Variants in CMIP observed in about 807,000 individuals in gnomAD.
CMIP encodes C-Maf-inducing protein.
In CMIP, 13 loss-of-function variants were observed where a neutral mutation model predicts 97.3. That is an observed-to-expected ratio of 0.13 (90% CI 0.09 to 0.21). The LOEUF (loss-of-function observed/expected upper bound fraction) is 0.21. Ranked by LOEUF, CMIP falls within the 10% of genes least tolerant of loss-of-function variation. The pLI is 1.00. For missense variants in CMIP, 847 were observed against 1,024.9 expected, an observed-to-expected ratio of 0.83 and a Z score of 2.37; for synonymous variants, 538 against 436.3, an observed-to-expected ratio of 1.23 and a Z score of -2.91.
At chr16:81,448,333 C>A (rs867940995) in intron 1 of CMIP, among the ~76,000 whole-genome samples, 1 of 152,148 alleles carries the variant, frequency 6.6e-6, no homozygotes, top group South Asian at 2.1e-4. Flanking sequence ...TTGCCCAAAC[C>A]TTTTGCAGTC....
chr16:81,705,033 A>G (rs1907973931), intron 18 of CMIP, among the ~76,000 whole-genome samples: 2 of 152,080 alleles, frequency 1.3e-5, no homozygotes, highest in South Asian at 4.1e-4. Context: ...TGCACTGCTC[A>G]GTACTCTGCA....
chr16:81,576,594 G>A (rs1426777719), intron 1 of CMIP, among the ~76,000 whole-genome samples: 7 of 152,130 alleles, frequency 4.6e-5, no homozygotes, highest in South Asian at 2.1e-4. Context: ...TCAGGGATAC[G>A]TAGCCAATGA....
chr16:81,549,060 T>G (rs1051775619), intron 1 of CMIP, among the ~76,000 whole-genome samples: 1 of 152,202 alleles, frequency 6.6e-6, no homozygotes, highest in Non-Finnish European at 1.5e-5. Context: ...TCTATTTTAC[T>G]GCAGGCTTAG....
At chr16:81,580,667 C>A (rs959879469) in intron 1 of CMIP, among the ~76,000 whole-genome samples, 4 of 152,022 alleles carry the variant, frequency 2.6e-5, no homozygotes, top group Non-Finnish European at 5.9e-5. Flanking sequence ...AACTCCTGAC[C>A]TCAAGTGATC....
intron 1 of CMIP, among the ~76,000 whole-genome samples, chr16:81,474,737 C>T (rs1228450851): frequency 6.6e-6 from 1 of 152,240 alleles, no homozygotes; most frequent in Non-Finnish European, 1.5e-5. Context: ...CCTGGGGCTC[C>T]CTCTCCTCTG....
At chr16:81,565,789 G>A (rs1484678871) in intron 1 of CMIP, among the ~76,000 whole-genome samples, 1 of 152,204 alleles carries the variant, frequency 6.6e-6, no homozygotes, top group Non-Finnish European at 1.5e-5. Flanking sequence ...ACACTGATTG[G>A]CTTTCCTGTC....
chr16:81,465,607 C>A (rs758620552), intron 1 of CMIP, among the ~76,000 whole-genome samples: 2 of 152,212 alleles, frequency 1.3e-5, no homozygotes, highest in African/African-American at 4.8e-5. Context: ...AAGAAATGAT[C>A]GATTGAATGA....
chr16:81,462,505 A>G (rs75204627), intron 1 of CMIP, among the ~76,000 whole-genome samples: 6 of 95,276 alleles, frequency 6.3e-5, no homozygotes, highest in African/African-American at 2.1e-4. Flanking sequence ...TGTAAGTGAT[A>G]AAAAAAAAAA....
At chr16:81,622,569 G>C (rs914090577) in intron 3 of CMIP, among the ~76,000 whole-genome samples, 1 of 152,182 alleles carries the variant, frequency 6.6e-6, no homozygotes, top group African/African-American at 2.4e-5. Context: ...GCCTCAGAAA[G>C]TGACAGCCTT....
chr16:81,698,500 AG>A (rs1907021029), intron 14 of CMIP, among the ~76,000 whole-genome samples: 1 of 152,222 alleles, frequency 6.6e-6, no homozygotes. Context: ...ACATGTGCGA[AG>A]GCTGCCTAGA....
At chr16:81,595,433 G>A (rs903986584) in intron 1 of CMIP, among the ~76,000 whole-genome samples, 1 of 148,546 alleles carries the variant, frequency 6.7e-6, no homozygotes, top group Non-Finnish European at 1.5e-5. Context: ...CTGTTGCCCA[G>A]GCTGTAGTGC....
intron 15 of CMIP, among the ~76,000 whole-genome samples, chr16:81,701,183 C>G (rs905986941): frequency 1.3e-5 from 2 of 152,074 alleles, no homozygotes; most frequent in Admixed American, 6.5e-5. Flanking sequence ...CGTGTTGACC[C>G]CCAGGCCGAA....
intron 1 of CMIP, among the ~76,000 whole-genome samples, chr16:81,447,220 G>T (rs960225891): frequency 1.3e-5 from 2 of 151,924 alleles, no homozygotes; most frequent in African/African-American, 4.8e-5. Flanking sequence ...ACCTGGCTCA[G>T]GGGGACTTTA....
At chr16:81,628,206 C>G (rs2092101276) in intron 3 of CMIP, among the ~76,000 whole-genome samples, 2 of 152,270 alleles carry the variant, frequency 1.3e-5, no homozygotes, top group South Asian at 2.1e-4. Flanking sequence ...GCCCACCTCC[C>G]CTGGGTCGCC....
chr16:81,589,545 C>A (rs1398096815), intron 1 of CMIP, among the ~76,000 whole-genome samples: 1 of 151,986 alleles, frequency 6.6e-6, no homozygotes, highest in Non-Finnish European at 1.5e-5. Context: ...TCTCGCACCC[C>A]ATGGCAGCCA....
intron 3 of CMIP, among the ~76,000 whole-genome samples, chr16:81,647,214 G>A (rs1346815417): frequency 6.6e-6 from 1 of 152,192 alleles, no homozygotes; most frequent in Non-Finnish European, 1.5e-5. Context: ...TAATGACGTT[G>A]AGCATCTTCT....
At chr16:81,607,777 C>A in intron 2 of CMIP, 85 bp downstream of exon 2, 3 of 1,425,672 alleles carry the variant, frequency 2.1e-6, no homozygotes, top group Non-Finnish European at 2.9e-6. Flanking sequence ...AGGGAGCCAG[C>A]AGCTATCAAG....
intron 10 of CMIP, among the ~76,000 whole-genome samples, chr16:81,690,243 G>A (rs1337291227): frequency 6.6e-6 from 1 of 152,112 alleles, no homozygotes; most frequent in African/African-American, 2.4e-5. Context: ...AATTACCTTG[G>A]GCAGTATGGC....
intron 1 of CMIP, among the ~76,000 whole-genome samples, chr16:81,556,510 C>T (rs1429275076): frequency 2.6e-5 from 4 of 152,104 alleles, no homozygotes; most frequent in African/African-American, 7.2e-5. Context: ...TACTATTTTC[C>T]GTTGTTTTAT....
Sources: allele counts gnomAD v4.1 joint callset (sites outside exome capture counted in the v4.1 genomes callset), GRCh38; gene constraint gnomAD v4.1.1; transcripts MANE v1.5; gene names NCBI Gene and HGNC (gene_info 2026-07-23, HGNC 2026-07-21).